The following TLK2 variants were observed in gnomAD, a reference collection of about 807,000 sequenced individuals.
The protein encoded by TLK2 is tousled like kinase 2.
In TLK2, 6 loss-of-function variants were observed where a neutral mutation model predicts 117.3. That is an observed-to-expected ratio of 0.05 (90% confidence interval 0.03 to 0.10). The LOEUF is 0.10. Ranked by LOEUF, TLK2 falls within the 10% of genes least tolerant of loss-of-function variation. The pLI is 1.00. For synonymous variants in TLK2, 257 were observed against 316.7 expected (o/e 0.81, Z 2.00); for missense variants, 299 against 901.2 (o/e 0.33, Z 8.56).
At chr17:62,560,296 A>G in intron 10 of TLK2, 170 bp downstream of exon 10, 1 of 424,516 alleles carries the variant, frequency 2.4e-6, no homozygotes, top group Non-Finnish European at 4.3e-6. Context: ...CCAACCATCC[A>G]GAGTGTTAAT....
chr17:62,487,255 G>A (rs529964237), intron 2 of TLK2, among the ~76,000 whole-genome samples: 2 of 150,570 alleles, frequency 1.3e-5, no homozygotes, highest in African/African-American at 4.9e-5. Context: ...TCATGCCACT[G>A]CACTCCAGCC....
rs530298432 is a variant in TLK2 at position 62,612,766 on chromosome 17, C to A, written c.*201C>A. 3 of 430,092 alleles carry A rather than the reference C, an allele frequency of 7.0e-6. No homozygotes were observed. In the South Asian group the frequency reaches 1.5e-4, roughly 22 times the overall value. 26.6% of individuals were successfully genotyped at this position (430,092 alleles called of 1,614,324 possible). ...GAAACCTTGGGCAGCTCCGGCCAGG[C>A]CTTGTAGGAAAAGGCCCCGCCCGAG... On this transcript the variant is annotated 3_prime_UTR_variant, in exon 22 of 22. Coordinates refer to ENST00000346027, the MANE Select transcript of TLK2 (RefSeq NM_006852.6).
chr17:62,542,400 C>T (rs1031540352), intron 7 of TLK2, among the ~76,000 whole-genome samples: 1 of 152,186 alleles, frequency 6.6e-6, no homozygotes, highest in African/African-American at 2.4e-5. Flanking sequence ...AGCCACTGTA[C>T]CTGGCCTTAT....
At chr17:62,487,513 C>T (rs9675051) in intron 2 of TLK2, among the ~76,000 whole-genome samples, 143,763 of 143,772 alleles carry the variant, frequency 1, 71,877 homozygotes, top group Non-Finnish European at 1. Flanking sequence ...AGTGCGCCTC[C>T]GTCTCAAAAA....
At chr17:62,496,302 C>T (rs550033394) in intron 2 of TLK2, among the ~76,000 whole-genome samples, 1 of 151,814 alleles carries the variant, frequency 6.6e-6, no homozygotes, top group African/African-American at 2.4e-5. Flanking sequence ...TATGGCTGAA[C>T]CGTTTCCTGT....
intron 2 of TLK2, among the ~76,000 whole-genome samples, chr17:62,488,821 T>C (rs1489440359): frequency 1.9e-5 from 1 of 51,728 alleles, no homozygotes; most frequent in Admixed American, 2.4e-4. Flanking sequence ...GCCTTGAAGA[T>C]TTTTTTTTTT....
intron 7 of TLK2, among the ~76,000 whole-genome samples, chr17:62,539,473 C>CTT (rs1047610954): frequency 5.2e-4 from 67 of 129,064 alleles, no homozygotes; most frequent in Non-Finnish European, 8.6e-4. Context: ...ACCTCCCTCT[C>CTT]TTTTTTTTTT....
In TLK2 at chr17:62,577,678, A is replaced by G. The variant is rs182463775; in HGVS notation, c.1189-799A>G. 3.2e-3 allele frequency among the ~76,000 whole-genome samples: 487 copies of G among 152,274 alleles called. 5 individuals carry two copies. The highest frequency in any genetic ancestry group is 4.0e-3 in the Non-Finnish European group (271 of 68,002). On this transcript the variant is annotated intron_variant, in intron 13 of 21. Transcript: ENST00000346027. ...AAAGATTTACTAAACTGCTTTTGGT[A>G]TGTGTGCTTTTGTTTTTTATTTCAC...
At chr17:62,573,844 A>C (rs759710075) in intron 12 of TLK2, among the ~76,000 whole-genome samples, 75 of 152,234 alleles carry the variant, frequency 4.9e-4, no homozygotes, top group Non-Finnish European at 7.8e-4. Flanking sequence ...TGTCCCAATA[A>C]GCCACAACTT....
intron 9 of TLK2, among the ~76,000 whole-genome samples, chr17:62,557,532 C>T (rs1483588088): frequency 6.6e-6 from 1 of 152,086 alleles, no homozygotes; most frequent in Non-Finnish European, 1.5e-5. Flanking sequence ...AGTCTCAGCA[C>T]TGTGTTGTAT....
At chr17:62,512,861 A>AATTATTATC (rs2075265981) in intron 2 of TLK2, among the ~76,000 whole-genome samples, 1 of 141,166 alleles carries the variant, frequency 7.1e-6, no homozygotes, top group Non-Finnish European at 1.5e-5. Flanking sequence ...AAAATTTATT[A>AATTATTATC]ATTATTATTA....
At chr17:62,551,785 C>T (rs538976786) in intron 7 of TLK2, 8 of 160,980 alleles carry the variant, frequency 5.0e-5, no homozygotes, top group South Asian at 1.7e-4. Context: ...GAACCTAAAC[C>T]GTATAAATTT....
intron 21 of TLK2, 188 bp from the exon 22 acceptor site, chr17:62,612,204 A>C (rs1162983626): frequency 1.9e-6 from 1 of 534,396 alleles, no homozygotes; most frequent in Non-Finnish European, 3.2e-6. Flanking sequence ...GCAGAGAGGT[A>C]CTTCTGTTGG....
intron 2 of TLK2, among the ~76,000 whole-genome samples, chr17:62,504,930 G>A (rs757518253): frequency 9.2e-5 from 14 of 151,910 alleles, no homozygotes; most frequent in African/African-American, 2.4e-4. Flanking sequence ...TGCAACCTCC[G>A]CCTCGCAGTT....
intron 2 of TLK2, among the ~76,000 whole-genome samples, chr17:62,502,576 A>G (rs1364915630): frequency 6.6e-6 from 1 of 152,214 alleles, no homozygotes; most frequent in Admixed American, 6.5e-5. Flanking sequence ...AATCTTACAG[A>G]TTACAAAGTA....
intron 3 of TLK2, 119 bp downstream of exon 3, chr17:62,520,963 G>T (rs1385651863): frequency 2.0e-5 from 22 of 1,116,562 alleles, no homozygotes; most frequent in Non-Finnish European, 2.8e-5. Context: ...GCTTGAGGCT[G>T]GGAGTTGGAG....
At chr17:62,532,158 G>T (rs937697878) in intron 6 of TLK2, among the ~76,000 whole-genome samples, 54 of 152,156 alleles carry the variant, frequency 3.5e-4, no homozygotes, top group Non-Finnish European at 5.9e-5. Context: ...CAACTCTTCA[G>T]TGCTTTTAAT....
chr17:62,580,046 A>G, intron 14 of TLK2, 65 bp from the exon 15 acceptor site: 1 of 1,352,892 alleles, frequency 7.4e-7, no homozygotes, highest in Non-Finnish European at 1.0e-6. Flanking sequence ...TATTCTGGGA[A>G]TTTTGCAAGC....
chr17:62,538,260 C>T (rs1339005720), intron 7 of TLK2, among the ~76,000 whole-genome samples: 1 of 152,026 alleles, frequency 6.6e-6, no homozygotes, highest in Non-Finnish European at 1.5e-5. Flanking sequence ...TGGTCTCGAT[C>T]TCCTGACCTC....
Sources: gnomAD v4.1 joint callset for allele counts (sites outside exome capture counted in the v4.1 genomes callset) on GRCh38, gnomAD v4.1.1 for gene constraint, MANE v1.5 for transcripts, NCBI Gene and HGNC (gene_info 2026-07-23, HGNC 2026-07-21) for gene names.